RPTOR: variants seen among roughly 807,000 people sequenced by gnomAD.
The protein encoded by RPTOR is regulatory associated protein of MTOR complex 1.
In RPTOR, 21 loss-of-function variants were observed where a neutral mutation model predicts 169.9. The ratio of observed to expected loss-of-function variants is 0.12; its 90% CI spans 0.09 to 0.18. RPTOR has a LOEUF of 0.18. Among genes scored for constraint, RPTOR ranks in the 10% least tolerant of loss-of-function variants. The pLI, the probability that RPTOR is intolerant of heterozygous loss-of-function variation, is 1.00. For synonymous variants in RPTOR, 732 were observed against 753.2 expected (o/e 0.97, Z 0.46); for missense variants, 1,133 against 1,855.9 (o/e 0.61, Z 7.16).
In RPTOR at chr17:80,795,397, G is replaced by A. The variant is rs75778215; in HGVS notation, c.890+3888G>A. On this transcript the variant is annotated intron_variant, in intron 7 of 33. Coordinates refer to ENST00000306801, the MANE Select transcript of RPTOR (RefSeq NM_020761.3). ...ACGATGTTAGCGTTTGCAGCCACTC[G>A]TGTTCTTCCCAGAACCAGTGCATCC... Among the ~76,000 whole-genome samples the A allele has an allele frequency of 3.9e-3, 590 of 152,220 alleles. 4 individuals are homozygous for A. Among genetic ancestry groups the A allele is most frequent in the African/African-American group, 0.012 (518 of 41,532 alleles).
At chr17:80,913,682 G>A (rs760921905) in intron 21 of RPTOR, among the ~76,000 whole-genome samples, 78 of 152,178 alleles carry the variant, frequency 5.1e-4, no homozygotes, top group Middle Eastern at 3.4e-3. Context: ...CAAACTCCTA[G>A]GCTCAAGTGA....
At chr17:80,694,385 G>A (rs2066018551) in intron 3 of RPTOR, among the ~76,000 whole-genome samples, 1 of 152,238 alleles carries the variant, frequency 6.6e-6, no homozygotes, top group Non-Finnish European at 1.5e-5. Context: ...TGAGGCGCAT[G>A]GTAGATGTTT....
intron 6 of RPTOR, among the ~76,000 whole-genome samples, chr17:80,766,022 G>A (rs1411751957): frequency 1.3e-5 from 2 of 152,118 alleles, no homozygotes; most frequent in Non-Finnish European, 2.9e-5. Context: ...TTACAGTAAG[G>A]GCCATCTAAC....
intron 5 of RPTOR, among the ~76,000 whole-genome samples, chr17:80,737,803 TCCCCCGCC>T (rs1268376277): frequency 7.3e-6 from 1 of 137,110 alleles, no homozygotes. Context: ...TCTCTTTTTC[TCCCCCGCC>T]CCCCCGCCAC....
At chr17:80,584,685 G>A (rs62068276) in intron 1 of RPTOR, among the ~76,000 whole-genome samples, 22,826 of 152,164 alleles carry the variant, frequency 0.15, 1,859 homozygotes, top group Non-Finnish European at 0.19. Context: ...CTGGCCCACC[G>A]CAGAATTCAG....
In RPTOR at chr17:80,961,378, G is replaced by C; in HGVS notation, c.3606-16G>C. 6.5e-7 allele frequency: 1 copy of C among 1,544,426 alleles called. No individual in the cohort carries two copies. Among genetic ancestry groups the C allele is most frequent in the Non-Finnish European group, 8.7e-7 (1 of 1,145,546 alleles). On this transcript the variant is annotated splice_polypyrimidine_tract_variant and intron_variant, in intron 30 of 33. Transcript: ENST00000306801. ...TTCAGGGAAGCCCCACGCTGAGCGTGCCCCCTCCCCTACAGCCGCGTCATG... is the reference window on the plus strand; with the variant it reads ...TTCAGGGAAGCCCCACGCTGAGCGTCCCCCCTCCCCTACAGCCGCGTCATG...
rs1336516602 is a variant in RPTOR, at chr17:80,746,951, G to A, written c.655-7059G>A. On this transcript the variant is annotated intron_variant, in intron 5 of 33. Transcript: ENST00000306801. The surrounding 1 kb of genome is among the most constrained non-coding windows in gnomAD (Gnocchi z 4.5). ...GCTAGGTTCTGGGTGGGTGCGGTGG[G>A]TCAGGCCTGTAACCCCAGAACTTCG... Among the ~76,000 whole-genome samples, 1 of 151,594 alleles carries A rather than the reference G, an allele frequency of 6.6e-6. No individual in the cohort carries two copies. The highest frequency in any genetic ancestry group is 1.9e-4 in the East Asian group (1 of 5,166).
chr17:80,837,797 C>G (rs1018855128), intron 9 of RPTOR, 125 bp from the exon 10 acceptor site: 31 of 841,148 alleles, frequency 3.7e-5, no homozygotes, highest in African/African-American at 3.4e-4. Context: ...CCCCCACCAG[C>G]TGCCGTGGCC....
chr17:80,813,674 C>G (rs2067295157), intron 7 of RPTOR, among the ~76,000 whole-genome samples: 2 of 152,192 alleles, frequency 1.3e-5, no homozygotes, highest in Non-Finnish European at 2.9e-5. Flanking sequence ...CTCAGTTCAC[C>G]TCCCCTGACC....
At position 80,651,741 on chromosome 17, in the gene RPTOR, G is replaced by C. The variant is rs935754570; in HGVS notation, c.348+7931G>C. On this transcript the variant is annotated intron_variant, in intron 3 of 33. Coordinates refer to ENST00000306801, the MANE Select transcript of RPTOR (RefSeq NM_020761.3). The surrounding 1 kb of genome is among the most constrained non-coding windows in gnomAD (Gnocchi z 4.1). ...ACTAAAAATATTTAAAAAATGGCCA[G>C]GCACGGTGGCTCACGCCTGTAATCC... 6.6e-6 allele frequency among the ~76,000 whole-genome samples: 1 copy of C among 152,186 alleles called. No individual in the cohort carries two copies.
At chr17:80,661,018 C>T (rs780090567) in intron 3 of RPTOR, among the ~76,000 whole-genome samples, 11 of 152,202 alleles carry the variant, frequency 7.2e-5, no homozygotes, top group Non-Finnish European at 1.3e-4. Flanking sequence ...TTCTCTTGGG[C>T]CTGCTCATCT....
chr17:80,853,951 A>C (rs1048872381), intron 11 of RPTOR, among the ~76,000 whole-genome samples: 49 of 152,188 alleles, frequency 3.2e-4, no homozygotes, highest in Middle Eastern at 3.4e-3. Flanking sequence ...ACTGCACTCC[A>C]GCCTGGGCGA....
At chr17:80,614,665 A>G (rs1350725582) in intron 1 of RPTOR, among the ~76,000 whole-genome samples, 4 of 152,248 alleles carry the variant, frequency 2.6e-5, no homozygotes, top group Non-Finnish European at 5.9e-5. Context: ...AAGAAGAAAT[A>G]TGTGTAGTGA....
intron 2 of RPTOR, among the ~76,000 whole-genome samples, chr17:80,634,154 CTGTGTG>C (rs774291587): frequency 2.6e-5 from 3 of 115,354 alleles, no homozygotes; most frequent in Non-Finnish European, 5.4e-5. Context: ...CGTGTGCGTA[CTGTGTG>C]TGTGTGCATA....
chr17:80,833,703 G>A (rs530019444), intron 9 of RPTOR, among the ~76,000 whole-genome samples: 3 of 152,316 alleles, frequency 2.0e-5, no homozygotes, highest in South Asian at 4.1e-4. Flanking sequence ...AAAGGTTGCC[G>A]TGCAGGCCGG....
intron 9 of RPTOR, among the ~76,000 whole-genome samples, chr17:80,830,419 T>G (rs944156270): frequency 6.6e-6 from 1 of 152,110 alleles, no homozygotes; most frequent in African/African-American, 2.4e-5. Flanking sequence ...GTGCAGAAAA[T>G]TTATCGGAAT....
intron 13 of RPTOR, among the ~76,000 whole-genome samples, chr17:80,872,754 G>C (rs1184031793): frequency 6.6e-6 from 1 of 152,220 alleles, no homozygotes; most frequent in Non-Finnish European, 1.5e-5. Context: ...TGGCAGGGGT[G>C]ACGGCTCGCC....
rs1398353269 is a variant in RPTOR, at chr17:80,855,566, A to T, written c.1398+19A>T. On this transcript the variant is annotated intron_variant, in intron 12 of 33. Transcript: ENST00000306801. ...GAGCCTGGTGCGTGCCTTCCGCATT[A>T]ACCTGGGGGCTGAGGGAGGTGGGAC... The T allele has an allele frequency of 1.3e-6, 2 of 1,582,094 alleles. No homozygotes were observed. The highest frequency in any genetic ancestry group is 1.7e-6 in the Non-Finnish European group (2 of 1,150,884).
At chr17:80,595,034 AG>A (rs2065134862) in intron 1 of RPTOR, among the ~76,000 whole-genome samples, 1 of 136,196 alleles carries the variant, frequency 7.3e-6, no homozygotes, top group Non-Finnish European at 1.6e-5. Context: ...GGGAACAAGA[AG>A]GGAGAGAGAG....
Sources: allele counts gnomAD v4.1 joint callset (sites outside exome capture counted in the v4.1 genomes callset), GRCh38; gene constraint gnomAD v4.1.1; non-coding constraint Gnocchi (gnomAD v3.1); transcripts MANE v1.5; gene names NCBI Gene and HGNC (gene_info 2026-07-23, HGNC 2026-07-21).